DNPEP: variants seen among roughly 807,000 people sequenced by gnomAD.
The protein encoded by DNPEP is aspartyl aminopeptidase.
Under a neutral mutation model 59.1 loss-of-function variants are expected in DNPEP, and 46 were observed. The observed-to-expected ratio is 0.78, with a 90% CI of 0.61 to 0.99. DNPEP has a LOEUF of 0.99. Ranked by LOEUF, DNPEP falls within the 50% of genes least tolerant of loss-of-function variation. DNPEP has a pLI of 0.00. For missense variants in DNPEP, 617 were observed against 649.9 expected, an observed-to-expected ratio of 0.95 and a Z score of 0.55; for synonymous variants, 229 against 242.2, an observed-to-expected ratio of 0.95 and a Z score of 0.50.
intron 13 of DNPEP, among the ~76,000 whole-genome samples, chr2:219,379,474 T>A (rs1164345783): frequency 1.3e-5 from 2 of 152,108 alleles, no homozygotes; most frequent in African/African-American, 4.8e-5. Flanking sequence ...AGTTTAAAAA[T>A]TTTAAAAATA....
At chr2:219,376,819 T>C (rs1953392068) in intron 13 of DNPEP, among the ~76,000 whole-genome samples, 1 of 152,136 alleles carries the variant, frequency 6.6e-6, no homozygotes, top group Non-Finnish European at 1.5e-5. Flanking sequence ...ATCACTTGTA[T>C]GGGTCACTGT....
At chr2:219,381,927 T>A in intron 11 of DNPEP, 52 bp downstream of exon 11, 1 of 1,600,774 alleles carries the variant, frequency 6.2e-7, no homozygotes, top group Non-Finnish European at 8.6e-7. Flanking sequence ...AGGCAGGTTA[T>A]GCTTGGGTCT....
chr2:219,381,538 G>A lies in DNPEP; in HGVS notation c.1137+7C>T, dbSNP rs772038891. ...CCAAGTCCCTAGGGAGAAATGGCAC[G>A]TCTCACCTTGTGGAATAAAGGCCGG... On this transcript the variant is annotated splice_region_variant and intron_variant, in intron 12 of 14. Transcript: ENST00000273075. 16 of 1,614,192 alleles carry A rather than the reference G, an allele frequency of 9.9e-6. No homozygotes were observed. The Middle Eastern group carries it at 6.6e-4, about 67-fold the overall frequency.
chr2:219,393,574 C>G (rs375822289), upstream of DNPEP: 17 of 152,422 alleles, frequency 1.1e-4, no homozygotes, highest in African/African-American at 3.4e-4. Flanking sequence ...GCCACCACAC[C>G]CAGCTGGACA....
chr2:219,394,401 C>A (rs935759315), intron 1 of DNPEP, among the ~76,000 whole-genome samples: 5 of 152,210 alleles, frequency 3.3e-5, no homozygotes, highest in Admixed American at 2.6e-4. Context: ...TCTTCTGGCT[C>A]CTCCTCATCT....
chr2:219,382,039 G>A lies in DNPEP; in HGVS notation c.1037C>T (p.Ala346Val). 5 of 1,614,198 alleles carry A rather than the reference G, an allele frequency of 3.1e-6. No homozygotes were observed. The highest frequency in any genetic ancestry group is 4.2e-6 in the Non-Finnish European group (5 of 1,180,042). ...SCQHPTAFEE[A>V]IPKSFMISAD... ...GCTGATCATGAAGGACTTGGGTATG[G>A]CTTCCTCGAAGGCTGTCGGGTGCTG... Residue 346 changes from alanine to valine, a missense_variant, in exon 11 of 15, where the codon GCC becomes GTC. Transcript: ENST00000273075.
At chr2:219,389,853 T>G (rs1229060174), upstream of DNPEP, among the ~76,000 whole-genome samples, 1 of 3,680 alleles carries the variant, frequency 2.7e-4, no homozygotes, top group African/African-American at 4.2e-4. Context: ...TAAATAAAAT[T>G]ATGTATAAAG....
chr2:219,376,220 G>T (rs1322051042), intron 13 of DNPEP, among the ~76,000 whole-genome samples: 1 of 152,152 alleles, frequency 6.6e-6, no homozygotes, highest in East Asian at 1.9e-4. Flanking sequence ...AGGTGTGCTG[G>T]CTCACGCCTG....
chr2:219,383,300 C>A, intron 9 of DNPEP, 86 bp from the exon 10 acceptor site: 1 of 1,117,196 alleles, frequency 9.0e-7, no homozygotes. Context: ...GTGCACGCTC[C>A]CCCATCCACC....
rs77348560 is a variant in DNPEP at position 219,381,695 on chromosome 2, C to G, written c.1098-111G>C. 8.5e-4 allele frequency: 1,061 copies of G among 1,247,322 alleles called. 8 individuals are homozygous for G. In the African/African-American group the frequency reaches 0.014, roughly 16 times the overall value. The allele number at this position is 1,247,322 out of a possible 1,614,324, so 77.3% of individuals were successfully genotyped here. A position where few individuals can be genotyped will look rare whatever the true frequency, so the allele number is the denominator to read the frequency against. On this transcript the variant is annotated intron_variant, in intron 11 of 14. Transcript: ENST00000273075. ...TAGATCACCACTCTTTCCCGCCCAGCCCAGTGGGACTTCAGAGTCATTCCA... is the reference window on the plus strand; with the variant it reads ...TAGATCACCACTCTTTCCCGCCCAGGCCAGTGGGACTTCAGAGTCATTCCA...
At chr2:219,391,993 C>G (rs1954024000), upstream of DNPEP, among the ~76,000 whole-genome samples, 1 of 150,726 alleles carries the variant, frequency 6.6e-6, no homozygotes, top group African/African-American at 2.4e-5. Context: ...ATAAAACTCA[C>G]ACAATGAGCT....
chr2:219,397,340 C>A (rs1954115983), intron 1 of DNPEP, among the ~76,000 whole-genome samples: 1 of 150,994 alleles, frequency 6.6e-6, no homozygotes. Flanking sequence ...TTTTTTTCTT[C>A]CAGAGAGCTA....
Position 219,387,801 on chromosome 2 carries a change from T to A in DNPEP, c.-7A>T, listed in dbSNP as rs760410554. On this transcript the variant is annotated 5_prime_UTR_variant, in exon 1 of 15. Coordinates refer to ENST00000273075, the MANE Select transcript of DNPEP (RefSeq NM_012100.4). ...TGGGGCTGTGTCCGCTCATCTGGCC[T>A]CCGGGCTCGGCCCGCCCCCACCGCG... 1 of 1,585,478 alleles carries A rather than the reference T, an allele frequency of 6.3e-7. No homozygotes were observed. Among genetic ancestry groups the A allele is most frequent in the East Asian group, 2.4e-5 (1 of 42,004 alleles).
chr2:219,397,320 CA>C (rs1242234618), intron 1 of DNPEP, among the ~76,000 whole-genome samples: 1 of 149,010 alleles, frequency 6.7e-6, no homozygotes, highest in African/African-American at 2.5e-5. Flanking sequence ...CACTACAAAT[CA>C]GGGCATTTTT....
intron 13 of DNPEP, among the ~76,000 whole-genome samples, chr2:219,379,107 G>A (rs750020185): frequency 5.3e-5 from 8 of 151,996 alleles, no homozygotes; most frequent in South Asian, 2.1e-4. Context: ...CAGTAGAGAC[G>A]GGGTTTCACC....
rs1160404079 is a variant in DNPEP, at chr2:219,387,180, C to A, written c.37-17G>T. Reference sequence around the variant, plus strand: ...CATGGCCACCTAGGGGAGGGGGATGCTCAGACTTTTACAAGGTCTGGGACC... The same window carrying A: ...CATGGCCACCTAGGGGAGGGGGATGATCAGACTTTTACAAGGTCTGGGACC... On this transcript the variant is annotated splice_polypyrimidine_tract_variant and intron_variant, in intron 1 of 14. Coordinates refer to ENST00000273075, the MANE Select transcript of DNPEP (RefSeq NM_012100.4). 1 of 1,551,746 alleles carries A rather than the reference C, an allele frequency of 6.4e-7. No individual in the cohort carries two copies. Among genetic ancestry groups the A allele is most frequent in the Non-Finnish European group, 8.7e-7 (1 of 1,147,244 alleles).
At chr2:219,381,231 C>A (rs1953582575) in intron 13 of DNPEP, 104 bp downstream of exon 13, 8 of 973,830 alleles carry the variant, frequency 8.2e-6, no homozygotes. Flanking sequence ...GACCCCCCTC[C>A]ACTCAAGGCC....
At chr2:219,399,395 A>T in intron 1 of DNPEP, 2 of 456,574 alleles carry the variant, frequency 4.4e-6, no homozygotes, top group South Asian at 3.1e-5. Context: ...TAGGGTGCGA[A>T]TCCCCCGGAG....
chr2:219,388,154 T>A, upstream of DNPEP: 1 of 143,798 alleles, frequency 7.0e-6, no homozygotes. Context: ...CTCGCAGGGC[T>A]GCACCGCCCG....
Sources: allele counts gnomAD v4.1 joint callset (sites outside exome capture counted in the v4.1 genomes callset), GRCh38; gene constraint gnomAD v4.1.1; transcripts MANE v1.5; gene names NCBI Gene and HGNC (gene_info 2026-07-23, HGNC 2026-07-21).